Variants in PPP2R3A observed in about 807,000 individuals in gnomAD.
PPP2R3A encodes serine/threonine-protein phosphatase 2A regulatory subunit B'' subunit alpha.
A neutral mutation model predicts 106.9 loss-of-function variants in PPP2R3A; 80 were observed. The ratio of observed to expected loss-of-function variants is 0.75; its 90% CI spans 0.62 to 0.90. The LOEUF (loss-of-function observed/expected upper bound fraction) is 0.90. PPP2R3A is among the 40% of genes least tolerant of loss of function. PPP2R3A has a pLI of 0.00. For missense variants in PPP2R3A, 1,386 were observed against 1,350.4 expected, an observed-to-expected ratio of 1.03 and a Z score of -0.41; for synonymous variants, 483 against 468.3, an observed-to-expected ratio of 1.03 and a Z score of -0.41.
Position 136,146,574 on chromosome 3 carries a change from C to T in PPP2R3A, c.*1408C>T, listed in dbSNP as rs1304784387. 2.6e-5 allele frequency: 4 copies of T among 152,104 alleles called. No individual in the cohort carries two copies. Among genetic ancestry groups the T allele is most frequent in the African/African-American group, 7.2e-5 (3 of 41,398 alleles). The allele number at this position is 152,104 out of a possible 1,614,324, so 9.4% of individuals were successfully genotyped here. On this transcript the variant is annotated 3_prime_UTR_variant, in exon 14 of 14. Transcript: ENST00000264977. ...GTACAGTACAGTGAGAGTTAACAAT[C>T]CTAGGAATCCTGCCTGTCACAAGCT...
chr3:136,070,600 T>A (rs763583287), intron 6 of PPP2R3A, 48 bp downstream of exon 6: 1 of 1,465,972 alleles, frequency 6.8e-7, no homozygotes, highest in East Asian at 2.4e-5. Context: ...AAGTCACCTT[T>A]TTATTACCAT....
intron 2 of PPP2R3A, among the ~76,000 whole-genome samples, chr3:136,012,159 T>A (rs1934107408): frequency 6.6e-6 from 1 of 152,108 alleles, no homozygotes; most frequent in Non-Finnish European, 1.5e-5. Context: ...ATTATTATGG[T>A]CTGTAATGAG....
chr3:136,137,559 T>C (rs1264767026), intron 13 of PPP2R3A, among the ~76,000 whole-genome samples: 1 of 141,694 alleles, frequency 7.1e-6, no homozygotes, highest in Non-Finnish European at 1.5e-5. Flanking sequence ...TTTTTTTTTT[T>C]GAGATGGAGG....
intron 7 of PPP2R3A, chr3:136,079,100 T>C (rs1387785230): frequency 2.4e-6 from 1 of 423,244 alleles, no homozygotes; most frequent in African/African-American, 2.1e-5. Context: ...TTTAGGCTAA[T>C]AATACAACCT....
At chr3:136,060,788 C>A (rs1936050770) in intron 5 of PPP2R3A, among the ~76,000 whole-genome samples, 1 of 152,088 alleles carries the variant, frequency 6.6e-6, no homozygotes, top group African/African-American at 2.4e-5. Flanking sequence ...TACAAAATTT[C>A]AGCTAAATAG....
intron 2 of PPP2R3A, among the ~76,000 whole-genome samples, chr3:136,005,455 C>G (rs1187094268): frequency 2.6e-5 from 4 of 152,154 alleles, no homozygotes; most frequent in African/African-American, 9.7e-5. Context: ...AATAAGGTTA[C>G]TAAGTGATTA....
chr3:136,071,174 G>A (rs751897163), intron 6 of PPP2R3A, among the ~76,000 whole-genome samples: 3 of 152,142 alleles, frequency 2.0e-5, no homozygotes, highest in South Asian at 2.1e-4. Context: ...ACATTCCACC[G>A]ACCAGCCCCA....
chr3:135,968,603 C>T (rs1211833655), intron 1 of PPP2R3A, among the ~76,000 whole-genome samples: 3 of 152,144 alleles, frequency 2.0e-5, no homozygotes, highest in Non-Finnish European at 4.4e-5. Flanking sequence ...CAGTCCAACA[C>T]TCTCATCAGA....
At chr3:136,044,432 C>G (rs978328684) in intron 4 of PPP2R3A, among the ~76,000 whole-genome samples, 3 of 152,014 alleles carry the variant, frequency 2.0e-5, no homozygotes, top group East Asian at 3.9e-4. Flanking sequence ...GAAAGAGTTA[C>G]ACCAAGCCAT....
At chr3:136,097,783 T>C (rs1473309781) in intron 10 of PPP2R3A, among the ~76,000 whole-genome samples, 3 of 152,056 alleles carry the variant, frequency 2.0e-5, no homozygotes, top group Admixed American at 2.0e-4. Flanking sequence ...CAGAGGCCAC[T>C]CCCCTGCCCC....
chr3:136,019,608 C>T (rs1934394730), intron 2 of PPP2R3A, among the ~76,000 whole-genome samples: 1 of 152,112 alleles, frequency 6.6e-6, no homozygotes, highest in South Asian at 2.1e-4. Context: ...TCATGAACTC[C>T]TTGAAACTAA....
At chr3:136,068,075 C>T (rs940653220) in intron 5 of PPP2R3A, among the ~76,000 whole-genome samples, 56 of 152,174 alleles carry the variant, frequency 3.7e-4, no homozygotes, top group African/African-American at 1.3e-3. Context: ...AAAACAAAAA[C>T]GGCATGGTGG....
intron 1 of PPP2R3A, among the ~76,000 whole-genome samples, chr3:135,980,190 A>G (rs1322776342): frequency 2.6e-5 from 4 of 151,838 alleles, no homozygotes; most frequent in Non-Finnish European, 5.9e-5. Flanking sequence ...CTTCAATTCA[A>G]AGTCCCCAGG....
intron 1 of PPP2R3A, among the ~76,000 whole-genome samples, chr3:135,976,454 T>A (rs1027051821): frequency 1.3e-5 from 2 of 152,242 alleles, no homozygotes; most frequent in Non-Finnish European, 2.9e-5. Context: ...TTCTTTAGCA[T>A]GAGAAGGAAA....
At chr3:136,073,171 G>A (rs1169239024) in intron 6 of PPP2R3A, among the ~76,000 whole-genome samples, 2 of 152,106 alleles carry the variant, frequency 1.3e-5, no homozygotes, top group Non-Finnish European at 2.9e-5. Context: ...GTTTCACCAT[G>A]TTAGCCAGGA....
chr3:136,049,972 T>C (rs1369901822), intron 5 of PPP2R3A, among the ~76,000 whole-genome samples: 1 of 152,038 alleles, frequency 6.6e-6, no homozygotes, highest in Non-Finnish European at 1.5e-5. Flanking sequence ...ACCACCAGAC[T>C]ACAAAGGTAG....
chr3:135,985,428 C>A (rs1576412023), intron 1 of PPP2R3A, among the ~76,000 whole-genome samples: 1 of 151,586 alleles, frequency 6.6e-6, no homozygotes, highest in African/African-American at 2.4e-5. Flanking sequence ...CTGTCTCTCT[C>A]TCTCCCTCTC....
chr3:136,134,537 T>C (rs1429725461), intron 13 of PPP2R3A, among the ~76,000 whole-genome samples: 2 of 152,176 alleles, frequency 1.3e-5, no homozygotes, highest in Non-Finnish European at 2.9e-5. Context: ...TTTAATTTCA[T>C]AGAAAAATCC....
intron 4 of PPP2R3A, among the ~76,000 whole-genome samples, chr3:136,047,462 G>A (rs116449493): frequency 0.023 from 3,546 of 152,276 alleles, 156 homozygotes; most frequent in African/African-American, 0.079. Flanking sequence ...CTAAGCAGCC[G>A]TAAAAAAGAA....
Sources: gnomAD v4.1 joint callset for allele counts (sites outside exome capture counted in the v4.1 genomes callset) on GRCh38, gnomAD v4.1.1 for gene constraint, MANE v1.5 for transcripts, NCBI Gene and HGNC (gene_info 2026-07-23, HGNC 2026-07-21) for gene names.